Variants in ARNT2 observed in about 807,000 individuals in gnomAD.
ARNT2 encodes the protein aryl hydrocarbon receptor nuclear translocator 2, also known as ARNT protein 2.
ARNT2 carries 36 observed loss-of-function variants against 91.7 expected under a neutral mutation model. That is an observed-to-expected ratio of 0.39 (90% CI 0.30 to 0.52). ARNT2 has a LOEUF of 0.52. ARNT2 is among the 20% of genes least tolerant of loss of function. The pLI is 0.72. For synonymous variants in ARNT2, 365 were observed against 347.1 expected (o/e 1.05, Z -0.57); for missense variants, 775 against 939.3 (o/e 0.83, Z 2.29).
intron 8 of ARNT2, among the ~76,000 whole-genome samples, chr15:80,538,687 A>C (rs2141447701): frequency 6.6e-6 from 1 of 152,256 alleles, no homozygotes; most frequent in East Asian, 1.9e-4. Flanking sequence ...TGAAAATAGA[A>C]AAAGAATAAT....
chr15:80,520,678 T>C (rs963636222), intron 8 of ARNT2, among the ~76,000 whole-genome samples: 4 of 152,214 alleles, frequency 2.6e-5, no homozygotes, highest in Non-Finnish European at 5.9e-5. Flanking sequence ...TGTATACATA[T>C]GTCCAAACTT....
At chr15:80,411,509 T>G (rs1895680041) in intron 1 of ARNT2, among the ~76,000 whole-genome samples, 1 of 152,208 alleles carries the variant, frequency 6.6e-6, no homozygotes, top group Non-Finnish European at 1.5e-5. Flanking sequence ...CTAATTGAGA[T>G]TCTGACTTTT....
rs1220281212 is a variant in ARNT2, at chr15:80,553,559, A to C, written c.1089+785A>C. Among the ~76,000 whole-genome samples, 4 of 152,330 alleles carry C rather than the reference A, an allele frequency of 2.6e-5. No individual in the cohort carries two copies. In the East Asian group the frequency reaches 7.7e-4, roughly 29 times the overall value. Reference sequence around the variant, plus strand: ...ACTCAATTTCAAATGGTTCAGTAAGAAATTAAGTATATTAAGTATATACAT... The same window carrying C: ...ACTCAATTTCAAATGGTTCAGTAAGCAATTAAGTATATTAAGTATATACAT... On this transcript the variant is annotated intron_variant, in intron 10 of 18. Coordinates refer to ENST00000303329, the MANE Select transcript of ARNT2 (RefSeq NM_014862.4).
chr15:80,499,741 G>A (rs1480379836), intron 5 of ARNT2, among the ~76,000 whole-genome samples: 1 of 152,170 alleles, frequency 6.6e-6, no homozygotes, highest in Non-Finnish European at 1.5e-5. Context: ...ACTATGATTG[G>A]CCCAGGGTGT....
chr15:80,442,886 A>T (rs1896215825), intron 1 of ARNT2: 1 of 985,332 alleles, frequency 1.0e-6, no homozygotes, highest in African/African-American at 1.7e-5. Flanking sequence ...CCTTTTTGGG[A>T]TCTGACGCCG....
At chr15:80,484,376 G>C (rs1367388912) in intron 5 of ARNT2, among the ~76,000 whole-genome samples, 1 of 152,230 alleles carries the variant, frequency 6.6e-6, no homozygotes, top group Non-Finnish European at 1.5e-5. Flanking sequence ...GTTGCCAGAG[G>C]TGCTTGATAA....
At chr15:80,574,290 C>A in intron 13 of ARNT2, 70 bp downstream of exon 13, 1 of 1,467,520 alleles carries the variant, frequency 6.8e-7, no homozygotes, top group Non-Finnish European at 9.5e-7. Context: ...CTCAATTCAG[C>A]CCTGAGCTTG....
intron 5 of ARNT2, among the ~76,000 whole-genome samples, chr15:80,477,320 A>G (rs946650255): frequency 2.0e-5 from 3 of 152,198 alleles, no homozygotes; most frequent in African/African-American, 4.8e-5. Flanking sequence ...GCAAGGGCCT[A>G]CTTTCTAGAT....
intron 1 of ARNT2, among the ~76,000 whole-genome samples, chr15:80,411,316 G>A (rs1895677421): frequency 6.6e-6 from 1 of 152,162 alleles, no homozygotes; most frequent in African/African-American, 2.4e-5. Flanking sequence ...GGCAGCCCTG[G>A]CACCTACCAT....
intron 5 of ARNT2, chr15:80,488,869 C>T (rs1897014727): frequency 6.6e-6 from 1 of 152,068 alleles, no homozygotes; most frequent in African/African-American, 2.4e-5. Flanking sequence ...ATTCTAAGTC[C>T]TCTTTGAAAG....
chr15:80,557,201 C>T (rs1463491947), intron 11 of ARNT2, among the ~76,000 whole-genome samples: 2 of 152,186 alleles, frequency 1.3e-5, no homozygotes, highest in Non-Finnish European at 2.9e-5. Context: ...CACTCTGCTC[C>T]TTCCTTTCAT....
intron 1 of ARNT2, among the ~76,000 whole-genome samples, chr15:80,442,258 G>C (rs185640691): frequency 6.6e-6 from 1 of 152,178 alleles, no homozygotes; most frequent in South Asian, 2.1e-4. Context: ...ATCGTACTTC[G>C]TTCCTCCCAG....
At chr15:80,526,916 T>A (rs1462286565) in intron 8 of ARNT2, among the ~76,000 whole-genome samples, 2 of 152,168 alleles carry the variant, frequency 1.3e-5, no homozygotes, top group Non-Finnish European at 2.9e-5. Context: ...AAGCTGCTTG[T>A]CTGTATTGAG....
At chr15:80,473,851 C>T (rs762409239) in intron 4 of ARNT2, among the ~76,000 whole-genome samples, 3 of 152,210 alleles carry the variant, frequency 2.0e-5, no homozygotes, top group Non-Finnish European at 4.4e-5. Flanking sequence ...CTTTTGCCTT[C>T]ACTCTGCTGG....
At position 80,457,931 on chromosome 15, in the gene ARNT2, T is replaced by C; in HGVS notation, c.149T>C (p.Met50Thr). 1.9e-6 allele frequency: 3 copies of C among 1,614,016 alleles called. No individual in the cohort carries two copies. In the South Asian group the frequency reaches 3.3e-5, roughly 18 times the overall value. ...CACTTGTGATCTTGACTTTTCAGAA[T>C]GGACTTCGATGATGAAGATGGTGAA... is the stretch of plus-strand genomic sequence containing the variant. ...PARGGKRRSG[M>T]DFDDEDGEGP... Residue 50 changes from methionine (M) to threonine (T), a missense_variant and splice_region_variant, in exon 3 of 19, where the codon ATG (methionine) becomes ACG (threonine). This residue lies in a region of ARNT2 where 79 missense variants were observed against 83.8 expected (regional missense o/e 0.94). Coordinates refer to ENST00000303329, the MANE Select transcript of ARNT2 (RefSeq NM_014862.4).
intron 1 of ARNT2, among the ~76,000 whole-genome samples, chr15:80,412,279 G>A (rs1895693129): frequency 6.6e-6 from 1 of 152,100 alleles, no homozygotes; most frequent in Admixed American, 6.5e-5. Context: ...TTACTGTTTT[G>A]GTTTCATTGT....
intron 5 of ARNT2, among the ~76,000 whole-genome samples, chr15:80,478,580 A>G (rs530656767): frequency 1.3e-5 from 2 of 152,358 alleles, no homozygotes; most frequent in East Asian, 1.9e-4. Flanking sequence ...CTTGTCAGGA[A>G]CAAGATGAGG....
intron 8 of ARNT2, among the ~76,000 whole-genome samples, chr15:80,514,633 T>C (rs1897402546): frequency 6.6e-6 from 1 of 152,220 alleles, no homozygotes; most frequent in Non-Finnish European, 1.5e-5. Context: ...ACGCCTGTAA[T>C]CCCAGCACTT....
intron 11 of ARNT2, among the ~76,000 whole-genome samples, chr15:80,559,651 G>A (rs1191323447): frequency 2.6e-5 from 4 of 152,110 alleles, no homozygotes; most frequent in East Asian, 1.9e-4. Flanking sequence ...GCCAGGAACC[G>A]GGAAACTTGC....
Sources: allele counts gnomAD v4.1 joint callset (sites outside exome capture counted in the v4.1 genomes callset), GRCh38; gene constraint gnomAD v4.1.1; regional missense constraint gnomAD v4.1.1; transcripts MANE v1.5; gene names NCBI Gene and HGNC (gene_info 2026-07-23, HGNC 2026-07-21).